Variants in PDE1A observed in about 807,000 individuals in gnomAD.
The protein encoded by PDE1A is phosphodiesterase 1A.
PDE1A carries 35 observed loss-of-function variants against 61.7 expected under a neutral mutation model. That is an observed-to-expected ratio of 0.57 (90% CI 0.43 to 0.75). The LOEUF (loss-of-function observed/expected upper bound fraction) is 0.75, where lower values mean the gene tolerates loss of function less well. Ranked by LOEUF, PDE1A falls within the 30% of genes least tolerant of loss-of-function variation. The pLI is 0.00. For synonymous variants in PDE1A, 232 were observed against 213.2 expected (o/e 1.09, Z -0.77); for missense variants, 597 against 630.6 (o/e 0.95, Z 0.57).
chr2:182,631,118 A>G, the PDE1A span, among the ~76,000 whole-genome samples: 1 of 152,008 alleles, frequency 6.6e-6, no homozygotes, highest in Non-Finnish European at 1.5e-5. Context: ...TGGAGACCCA[A>G]GAAAGTCAGT....
In PDE1A at chr2:182,502,313, CGT is replaced by C. The variant is rs35441240; in HGVS notation, c.101+19961_101+19962del. The stretch of plus-strand genomic sequence containing the variant: ...CCCTTACTGCTCACCTACTCTCTTT[CGT>C]GTGTGTGTGTGTGTGTGTTTGTGTG... On this transcript the variant is annotated intron_variant, in intron 2 of 14. Transcript: ENST00000410103. 7.7e-3 allele frequency among the ~76,000 whole-genome samples: 1,152 copies of C among 150,198 alleles called. 3 individuals carry two copies. The highest frequency in any genetic ancestry group is 0.014 in the African/African-American group (584 of 40,980).
chr2:182,309,056 A>G (rs1241740083), intron 1 of PDE1A, among the ~76,000 whole-genome samples: 1 of 151,592 alleles, frequency 6.6e-6, no homozygotes, highest in East Asian at 1.9e-4. Context: ...AAAGAAGTTC[A>G]CACAGGGAAA....
intron 1 of PDE1A, among the ~76,000 whole-genome samples, chr2:182,361,024 T>C (rs1284055135): frequency 1.3e-5 from 2 of 151,982 alleles, no homozygotes; most frequent in Non-Finnish European, 2.9e-5. Context: ...CTCCAACAAC[T>C]TGGGAAAGGG....
chr2:182,349,448 G>C (rs1255049223), intron 1 of PDE1A, among the ~76,000 whole-genome samples: 1 of 152,108 alleles, frequency 6.6e-6, no homozygotes, highest in Non-Finnish European at 1.5e-5. Context: ...TTTATGTTTA[G>C]ATTTTGTCAT....
chr2:182,647,568 A>G, the PDE1A span, among the ~76,000 whole-genome samples: 1 of 152,356 alleles, frequency 6.6e-6, no homozygotes, highest in East Asian at 1.9e-4. Flanking sequence ...CTATCGAGAT[A>G]ATCAGCAGCT....
In PDE1A at chr2:182,398,930, T is replaced by C. The variant is rs926439307; in HGVS notation, c.53+27648A>G. Among the ~76,000 whole-genome samples the C allele has an allele frequency of 3.9e-4, 59 of 152,168 alleles. 2 individuals carry two copies. Among genetic ancestry groups the C allele is most frequent in the South Asian group, 3.7e-3 (18 of 4,830 alleles). The stretch of plus-strand genomic sequence containing the variant: ...TCAACATGAAGTTCTTTTACCTATG[T>C]AGTTCTTGGTAAACTACCAAATTCC... On this transcript the variant is annotated intron_variant, in intron 1 of 13. Transcript: ENST00000351439.
chr2:182,410,805 C>T (rs1050764867), intron 1 of PDE1A, among the ~76,000 whole-genome samples: 2 of 152,168 alleles, frequency 1.3e-5, no homozygotes, highest in African/African-American at 4.8e-5. Context: ...ACTGACAAGA[C>T]ACAGAAAAGA....
rs539291939 is a variant in PDE1A, at chr2:182,291,034, T to C, written c.54-26620A>G. ...TGTACAGTTATACATTAAATGCCAC[T>C]GATTCTCCATCATAGCTCATCCATT... On this transcript the variant is annotated intron_variant, in intron 1 of 13. Transcript: ENST00000351439. Among the ~76,000 whole-genome samples the C allele has an allele frequency of 7.9e-5, 12 of 152,192 alleles. No individual in the cohort carries two copies. In the South Asian group the frequency reaches 2.3e-3, roughly 29 times the overall value.
the PDE1A span, among the ~76,000 whole-genome samples, chr2:182,695,849 A>G: frequency 1.4e-4 from 22 of 152,324 alleles, no homozygotes; most frequent in Middle Eastern, 3.4e-3. Flanking sequence ...ACAGATGGCA[A>G]GTAAGCATAT....
chr2:182,299,839 A>G (rs1005954987), intron 1 of PDE1A, among the ~76,000 whole-genome samples: 1 of 152,186 alleles, frequency 6.6e-6, no homozygotes, highest in African/African-American at 2.4e-5. Context: ...CTAACACAAT[A>G]TAGTCTGAAG....
intron 1 of PDE1A, among the ~76,000 whole-genome samples, chr2:182,357,829 G>A (rs1286893796): frequency 6.6e-6 from 1 of 152,154 alleles, no homozygotes; most frequent in Non-Finnish European, 1.5e-5. Flanking sequence ...CCTTTCAAAG[G>A]CAGCTCCACT....
the PDE1A span, among the ~76,000 whole-genome samples, chr2:182,568,474 C>A: frequency 6.6e-6 from 1 of 151,484 alleles, no homozygotes; most frequent in Middle Eastern, 3.4e-3. Context: ...GACAGGAGAT[C>A]GAGACAGCGG....
At chr2:182,197,248 GGCCT>G (rs1686207842) in intron 10 of PDE1A, among the ~76,000 whole-genome samples, 1 of 151,298 alleles carries the variant, frequency 6.6e-6, no homozygotes, top group South Asian at 2.1e-4. Context: ...CATTCAAATT[GGCCT>G]GATTTTCTTT....
intron 2 of PDE1A, among the ~76,000 whole-genome samples, chr2:182,488,183 T>C (rs1356205971): frequency 6.6e-6 from 1 of 152,164 alleles, no homozygotes; most frequent in African/African-American, 2.4e-5. Context: ...TTTTAATAAA[T>C]CAGAAAGTTA....
In PDE1A at chr2:182,357,073, CTAATG is replaced by C. The variant is rs375894904; in HGVS notation, c.53+69500_53+69504del. ...GGAGGGATAGCATTAGGAGATATACCTAATGTAAACGATGAGTTAATGGGTGCAGC... is the reference window on the plus strand; with the variant it reads ...GGAGGGATAGCATTAGGAGATATACCTAAACGATGAGTTAATGGGTGCAGC... On this transcript the variant is annotated intron_variant, in intron 1 of 13. Transcript: ENST00000351439. Among the ~76,000 whole-genome samples, 89 of 151,992 alleles carry C rather than the reference CTAATG, an allele frequency of 5.9e-4. 1 individual carries two copies. Among genetic ancestry groups the C allele is most frequent in the African/African-American group, 2.1e-3 (86 of 41,432 alleles).
At chr2:182,454,525 A>C (rs1018630264) in intron 2 of PDE1A, among the ~76,000 whole-genome samples, 6 of 152,090 alleles carry the variant, frequency 3.9e-5, no homozygotes, top group East Asian at 1.9e-4. Flanking sequence ...ACTATACAAC[A>C]AGGCTACAGT....
At position 182,298,846 on chromosome 2, in the gene PDE1A, G is replaced by A. The variant is rs1695053442; in HGVS notation, c.54-34432C>T. ...GTCTTGAGGACTCTAGACTTTAAGC[G>A]CTGAAATATAAGTAATGGAATATAA... On this transcript the variant is annotated intron_variant, in intron 1 of 13. Coordinates refer to ENST00000351439, the Ensembl canonical transcript of PDE1A. 2.6e-5 allele frequency among the ~76,000 whole-genome samples: 4 copies of A among 151,838 alleles called. No homozygotes were observed. In the South Asian group the frequency reaches 6.3e-4, roughly 24 times the overall value.
chr2:182,240,031 T>G (rs1690372116), intron 3 of PDE1A, 79 bp downstream of exon 3: 2 of 1,240,608 alleles, frequency 1.6e-6, no homozygotes, highest in Non-Finnish European at 2.2e-6. Context: ...AAATATAGAC[T>G]GCTCATACCC....
At chr2:182,304,288 A>C (rs1461401682) in intron 1 of PDE1A, among the ~76,000 whole-genome samples, 1 of 152,176 alleles carries the variant, frequency 6.6e-6, no homozygotes, top group Non-Finnish European at 1.5e-5. Flanking sequence ...AAGAGAGTCA[A>C]GGCCTTGCTC....
Sources: allele counts gnomAD v4.1 joint callset (sites outside exome capture counted in the v4.1 genomes callset), GRCh38; gene constraint gnomAD v4.1.1; transcripts MANE v1.5; gene names NCBI Gene and HGNC (gene_info 2026-07-23, HGNC 2026-07-21).